SLC39A12: variants seen among roughly 807,000 people sequenced by gnomAD.
The protein encoded by SLC39A12 is solute carrier family 39 member 12.
Under a neutral mutation model 71.1 loss-of-function variants are expected in SLC39A12, and 63 were observed. The observed-to-expected ratio is 0.89, with a 90% CI of 0.72 to 1.09. The LOEUF (loss-of-function observed/expected upper bound fraction) is 1.09. SLC39A12 is among the 50% of genes least tolerant of loss of function. SLC39A12 has a pLI of 0.00. For missense variants in SLC39A12, 892 were observed against 812.6 expected, an observed-to-expected ratio of 1.10 and a Z score of -1.19; for synonymous variants, 351 against 301.3, an observed-to-expected ratio of 1.16 and a Z score of -1.71.
intron 12 of SLC39A12, among the ~76,000 whole-genome samples, chr10:18,018,157 T>C (rs1352752564): frequency 6.6e-6 from 1 of 152,204 alleles, no homozygotes; most frequent in East Asian, 1.9e-4. Flanking sequence ...TAAATGGTAA[T>C]GGATTTTTAA....
At chr10:18,030,362 C>T (rs1266222287) in intron 12 of SLC39A12, among the ~76,000 whole-genome samples, 4 of 151,662 alleles carry the variant, frequency 2.6e-5, no homozygotes, top group Non-Finnish European at 4.4e-5. Context: ...CTCAGCTTCC[C>T]GAGTAGCTGG....
intron 12 of SLC39A12, among the ~76,000 whole-genome samples, chr10:18,031,021 C>A (rs1166267546): frequency 2.6e-5 from 4 of 151,286 alleles, no homozygotes; most frequent in South Asian, 2.1e-4. Flanking sequence ...TGTATATGTG[C>A]CACATTTTCT....
At chr10:17,953,137 C>G in intron 1 of SLC39A12, 54 bp from the exon 2 acceptor site, 1 of 1,111,388 alleles carries the variant, frequency 9.0e-7, no homozygotes, top group African/African-American at 1.6e-5. Flanking sequence ...TGAATCCTTT[C>G]AAACATGTTG....
chr10:17,963,494 T>C (rs1834743478), intron 3 of SLC39A12, among the ~76,000 whole-genome samples: 1 of 152,222 alleles, frequency 6.6e-6, no homozygotes, highest in Non-Finnish European at 1.5e-5. Flanking sequence ...CTAGAACTCC[T>C]TTTTCCAGCT....
At chr10:18,037,883 G>A (rs1042515568) in intron 12 of SLC39A12, among the ~76,000 whole-genome samples, 3 of 151,808 alleles carry the variant, frequency 2.0e-5, no homozygotes, top group South Asian at 4.2e-4. Flanking sequence ...AGCCAGGCAT[G>A]GTGGTGCGTG....
At chr10:17,985,304 C>A (rs758009697) in intron 6 of SLC39A12, among the ~76,000 whole-genome samples, 1 of 152,078 alleles carries the variant, frequency 6.6e-6, no homozygotes, top group Non-Finnish European at 1.5e-5. Flanking sequence ...GATTGTGCCA[C>A]AGCACTCCAG....
chr10:17,987,313 TGACA>T (rs1328918126), intron 6 of SLC39A12, among the ~76,000 whole-genome samples, 162 bp from the exon 7 acceptor site: 1 of 152,148 alleles, frequency 6.6e-6, no homozygotes, highest in Non-Finnish European at 1.5e-5. Flanking sequence ...CCAGGCTGGG[TGACA>T]GACAGAGAGC....
rs961491378 is a variant in SLC39A12, at chr10:17,965,834, C to T, written c.751+144C>T. ...TTTATAGAGTCATAAAGTCAGACAG[C>T]TTATGTGGCCTTTCAAGGCAAGCGT... On this transcript the variant is annotated intron_variant, in intron 4 of 12. Transcript: ENST00000377369. The T allele has an allele frequency of 8.5e-6, 6 of 703,330 alleles. No homozygotes were observed. The African/African-American group carries it at 1.1e-4, about 13-fold the overall frequency. 43.6% of individuals were successfully genotyped at this position (703,330 alleles called of 1,614,324 possible). A position where few individuals can be genotyped will look rare whatever the true frequency, so the allele number is the denominator to read the frequency against.
chr10:18,030,231 C>T (rs1363869854), intron 12 of SLC39A12, among the ~76,000 whole-genome samples: 3 of 151,824 alleles, frequency 2.0e-5, no homozygotes, highest in Admixed American at 2.0e-4. Context: ...GCACTGTTTG[C>T]CCATATCTAT....
chr10:17,967,090 T>G (rs926503364), intron 4 of SLC39A12, among the ~76,000 whole-genome samples: 1 of 152,218 alleles, frequency 6.6e-6, no homozygotes, highest in African/African-American at 2.4e-5. Context: ...CCAAGTTTCT[T>G]TTATACGTGT....
chr10:18,042,923 A>AT lies in SLC39A12; in HGVS notation c.*96dup, dbSNP rs1194338300. 8.9e-7 allele frequency: 1 copy of AT among 1,124,070 alleles called. No homozygotes were observed. Among genetic ancestry groups the AT allele is most frequent in the Non-Finnish European group, 1.2e-6 (1 of 840,816 alleles). The allele number at this position is 1,124,070 out of a possible 1,614,324, so 69.6% of individuals were successfully genotyped here. ...CTCTATAATGATTTTTAAATTAAGAATTTTTTATCTTAGGCAAAGTGTGTC... is the reference window on the plus strand; with the variant it reads ...CTCTATAATGATTTTTAAATTAAGAATTTTTTTATCTTAGGCAAAGTGTGTC... On this transcript the variant is annotated 3_prime_UTR_variant, in exon 13 of 13. Transcript: ENST00000377369.
intron 12 of SLC39A12, among the ~76,000 whole-genome samples, chr10:18,019,609 T>A (rs1185463414): frequency 6.6e-6 from 1 of 152,082 alleles, no homozygotes; most frequent in African/African-American, 2.4e-5. Flanking sequence ...ATTTTATTTT[T>A]ATTTTCATTC....
In SLC39A12 at chr10:17,965,671, G is replaced by A. The variant is rs764200797; in HGVS notation, c.732G>A (p.Thr244=). The change falls in exon 4 of 13, where the codon ACG becomes ACA. Residue 244 remains threonine, a synonymous_variant. Coordinates refer to ENST00000377369, the MANE Select transcript of SLC39A12 (RefSeq NM_001145195.2). The part of the protein sequence containing the change: ...TEYIFSSLNR[T]NTLRLSELDQ... ...ATATTTTCAGTTCCTTGAATCGTAC[G>A]AATACCCTCCGCCTATCAGGTAAGG... 2.7e-5 allele frequency: 43 copies of A among 1,613,612 alleles called. No homozygotes were observed. Among genetic ancestry groups the A allele is most frequent in the South Asian group, 9.9e-5 (9 of 91,052 alleles).
chr10:17,954,922 C>T (rs1554847604), intron 2 of SLC39A12, among the ~76,000 whole-genome samples: 1 of 151,916 alleles, frequency 6.6e-6, no homozygotes. Flanking sequence ...TTTGTGTGAG[C>T]AATAAATAAT....
In SLC39A12 at chr10:17,961,773, C is replaced by T; in HGVS notation, c.454C>T (p.Gln152Ter). The stretch of plus-strand genomic sequence containing the variant: ...CCTACACAGCCTACTGAGCCTCAGG[C>T]AGGATGAAGATTCCTCTTTCCTTTC... ...FYLHSLLSLR[Q>*]DEDSSFLSQN... The change falls in exon 3 of 13, where the codon CAG (glutamine) becomes TAG (stop). Residue 152 changes from glutamine (Q) to a stop codon, truncating the protein, a stop_gained. Coordinates refer to ENST00000377369, the MANE Select transcript of SLC39A12 (RefSeq NM_001145195.2). LOFTEE classifies it high-confidence loss of function. 1 of 1,614,054 alleles carries T rather than the reference C, an allele frequency of 6.2e-7. No homozygotes were observed. Among genetic ancestry groups the T allele is most frequent in the Non-Finnish European group, 8.5e-7 (1 of 1,179,948 alleles).
chr10:18,035,719 A>T (rs958999450), intron 12 of SLC39A12, among the ~76,000 whole-genome samples: 1 of 152,146 alleles, frequency 6.6e-6, no homozygotes, highest in Non-Finnish European at 1.5e-5. Flanking sequence ...AGGAGGAGAG[A>T]TGCTCTGCGT....
rs188960670 is a variant in SLC39A12 at position 18,036,621 on chromosome 10, C to G, written c.1948-6084C>G. ...AATCACCCGTCTTCTGCGTCGCTCA[C>G]GCTGGGAGCTGTAGACCGGAGCTGT... On this transcript the variant is annotated intron_variant, in intron 12 of 12. Coordinates refer to ENST00000377369, the MANE Select transcript of SLC39A12 (RefSeq NM_001145195.2). Among the ~76,000 whole-genome samples the G allele has an allele frequency of 1.3e-3, 204 of 151,644 alleles. 1 individual carries two copies. The highest frequency in any genetic ancestry group is 4.7e-3 in the African/African-American group (195 of 41,376).
chr10:18,000,611 T>A (rs750536197), intron 10 of SLC39A12, 56 bp from the exon 11 acceptor site: 8 of 1,556,762 alleles, frequency 5.1e-6, no homozygotes, highest in Non-Finnish European at 7.1e-6. Flanking sequence ...TTGAAGGATT[T>A]GGTGAAATAT....
chr10:18,015,226 ATATATC>A (rs10548585), intron 12 of SLC39A12, among the ~76,000 whole-genome samples: 70,881 of 151,248 alleles, frequency 0.47, 17,072 homozygotes, highest in Non-Finnish European at 0.54. Context: ...TATTAAATCT[ATATATC>A]TATATATCTG....
Sources: gnomAD v4.1 joint callset for allele counts (sites outside exome capture counted in the v4.1 genomes callset) on GRCh38, gnomAD v4.1.1 for gene constraint, MANE v1.5 for transcripts, NCBI Gene and HGNC (gene_info 2026-07-23, HGNC 2026-07-21) for gene names.